Variants in HHAT observed in about 807,000 individuals in gnomAD.
The protein encoded by HHAT is protein-cysteine N-palmitoyltransferase HHAT.
HHAT carries 47 observed loss-of-function variants against 70.8 expected under a neutral mutation model. The observed-to-expected ratio is 0.66, with a 90% CI of 0.53 to 0.85. The LOEUF (loss-of-function observed/expected upper bound fraction) is 0.85, where lower values mean the gene tolerates loss of function less well. Ranked by LOEUF, HHAT falls within the 40% of genes least tolerant of loss-of-function variation. The pLI is 0.00. For synonymous variants in HHAT, 228 were observed against 247.6 expected, an observed-to-expected ratio of 0.92 and a Z score of 0.74; for missense variants, 609 against 604.8, an observed-to-expected ratio of 1.01 and a Z score of -0.07.
intron 6 of HHAT, among the ~76,000 whole-genome samples, chr1:210,415,294 TTGAC>T (rs1490865606): frequency 5.3e-5 from 8 of 152,228 alleles, no homozygotes; most frequent in Non-Finnish European, 1.0e-4. Flanking sequence ...GATTTAGTGA[TTGAC>T]TGGCTTGTAA....
At chr1:210,608,723 G>A (rs975709658) in intron 10 of HHAT, among the ~76,000 whole-genome samples, 2 of 152,114 alleles carry the variant, frequency 1.3e-5, no homozygotes, top group South Asian at 4.1e-4. Flanking sequence ...ATGAAGAACA[G>A]AAATTTATTT....
At chr1:210,605,877 G>A (rs929498883) in intron 10 of HHAT, among the ~76,000 whole-genome samples, 2 of 151,018 alleles carry the variant, frequency 1.3e-5, no homozygotes, top group African/African-American at 2.4e-5. Context: ...CTCTTTTGAG[G>A]CAGAGTTTTG....
chr1:210,508,505 AT>A (rs2094901236), intron 8 of HHAT, among the ~76,000 whole-genome samples: 1 of 95,160 alleles, frequency 1.1e-5, no homozygotes, highest in Non-Finnish European at 2.1e-5. Flanking sequence ...TGTTTGGTTT[AT>A]TTTTTTCTAA....
At chr1:210,453,376 C>T (rs1032474015) in intron 7 of HHAT, among the ~76,000 whole-genome samples, 7 of 152,192 alleles carry the variant, frequency 4.6e-5, no homozygotes, top group Non-Finnish European at 7.3e-5. Context: ...TGTTCAATTA[C>T]AGATATTCTA....
intron 1 of HHAT, among the ~76,000 whole-genome samples, chr1:210,343,495 G>A (rs1392069219): frequency 6.6e-6 from 1 of 152,168 alleles, no homozygotes; most frequent in African/African-American, 2.4e-5. Flanking sequence ...AAAAGAGAGT[G>A]TGTGAGGAAG....
rs1278060237 is a variant in HHAT, at chr1:210,470,561, C to T, written c.1007+5906C>T. ...GACTATCAAGTTAAAGCAAATTTTA[C>T]GAACCATCATTATGTTTCGCTTCCT... On this transcript the variant is annotated intron_variant, in intron 8 of 11. Coordinates refer to ENST00000261458, the MANE Select transcript of HHAT (RefSeq NM_018194.6). Among the ~76,000 whole-genome samples the T allele has an allele frequency of 7.2e-5, 11 of 152,180 alleles. No individual in the cohort carries two copies. The East Asian group carries it at 7.7e-4, about 11-fold the overall frequency.
At chr1:210,340,140 G>T (rs2085878971) in intron 1 of HHAT, among the ~76,000 whole-genome samples, 1 of 148,590 alleles carries the variant, frequency 6.7e-6, no homozygotes, top group Non-Finnish European at 1.5e-5. Context: ...AGGAGTTCAA[G>T]ACCAGCCTGG....
intron 9 of HHAT, among the ~76,000 whole-genome samples, chr1:210,565,571 G>A (rs1449820484): frequency 3.3e-5 from 5 of 152,086 alleles, no homozygotes; most frequent in Non-Finnish European, 7.4e-5. Flanking sequence ...ACACAAACAA[G>A]GAAGTATCTA....
At chr1:210,523,065 T>C (rs2095185234) in intron 9 of HHAT, among the ~76,000 whole-genome samples, 1 of 152,078 alleles carries the variant, frequency 6.6e-6, no homozygotes, top group Non-Finnish European at 1.5e-5. Flanking sequence ...TCCCCTCACC[T>C]TTCATGGCTT....
chr1:210,401,580 A>T (rs979395469), intron 5 of HHAT, among the ~76,000 whole-genome samples: 3 of 152,232 alleles, frequency 2.0e-5, no homozygotes, highest in Admixed American at 2.0e-4. Context: ...GTGCTAATAG[A>T]GGAGGACACT....
At chr1:210,374,856 G>T (rs1434895093) in intron 3 of HHAT, among the ~76,000 whole-genome samples, 1 of 151,584 alleles carries the variant, frequency 6.6e-6, no homozygotes, top group Non-Finnish European at 1.5e-5. Context: ...GTGACGCTGA[G>T]GTTGAGGGTA....
rs187438017 is a variant in HHAT at position 210,370,700 on chromosome 1, C to T, written c.159+7781C>T. Among the ~76,000 whole-genome samples, 665 of 146,984 alleles carry T rather than the reference C, an allele frequency of 4.5e-3. 8 individuals carry two copies. The highest frequency in any genetic ancestry group is 0.015 in the African/African-American group (595 of 39,316). ...CATGATCTTGGCTCACTGCAACCTC[C>T]GCCTCCCGGGTTCAAGCGATTCTCT... On this transcript the variant is annotated intron_variant, in intron 3 of 11. Coordinates refer to ENST00000261458, the MANE Select transcript of HHAT (RefSeq NM_018194.6).
intron 7 of HHAT, among the ~76,000 whole-genome samples, chr1:210,433,449 CAGAAATAG>C (rs1313274935): frequency 6.6e-6 from 1 of 151,836 alleles, no homozygotes; most frequent in Non-Finnish European, 1.5e-5. Context: ...TGCAAGTTAA[CAGAAATAG>C]AGAATATAAA....
At chr1:210,559,317 A>T (rs1031782170) in intron 9 of HHAT, among the ~76,000 whole-genome samples, 8 of 152,224 alleles carry the variant, frequency 5.3e-5, no homozygotes, top group Admixed American at 3.9e-4. Flanking sequence ...GATTTTAAAT[A>T]AACAGTTTAA....
At chr1:210,649,271 TTGTC>T (rs1165084638) in intron 11 of HHAT, among the ~76,000 whole-genome samples, 2 of 152,246 alleles carry the variant, frequency 1.3e-5, no homozygotes, top group African/African-American at 4.8e-5. Flanking sequence ...TTTACTTTCT[TTGTC>T]TAAGTGAGCT....
Position 210,349,085 on chromosome 1 carries a change from C to G in HHAT, c.91+19C>G. The G allele has an allele frequency of 1.9e-6, 3 of 1,609,008 alleles. No individual in the cohort carries two copies. The highest frequency in any genetic ancestry group is 2.5e-6 in the Non-Finnish European group (3 of 1,178,414). ...TCCAGAGGTAAGGCCCCAAGCTTTT[C>G]AGACCTCCTATCAAACAAGGAAACT... On this transcript the variant is annotated intron_variant, in intron 2 of 11. Transcript: ENST00000261458.
chr1:210,569,916 AATC>A (rs1457638024), intron 9 of HHAT, among the ~76,000 whole-genome samples: 1 of 152,134 alleles, frequency 6.6e-6, no homozygotes, highest in Non-Finnish European at 1.5e-5. Context: ...CAGATGTTTC[AATC>A]CCTCTTTATA....
At chr1:210,458,667 A>G (rs915774976) in intron 7 of HHAT, among the ~76,000 whole-genome samples, 4 of 152,166 alleles carry the variant, frequency 2.6e-5, no homozygotes, top group African/African-American at 9.7e-5. Context: ...ATTGGATAAA[A>G]TGAGTGGTTC....
intron 9 of HHAT, among the ~76,000 whole-genome samples, chr1:210,525,627 G>T (rs1285338608): frequency 1.3e-5 from 2 of 152,076 alleles, no homozygotes; most frequent in African/African-American, 2.4e-5. Context: ...AGACAATCCA[G>T]ATTTAAAAAG....
Sources: allele counts gnomAD v4.1 joint callset (sites outside exome capture counted in the v4.1 genomes callset), GRCh38; gene constraint gnomAD v4.1.1; transcripts MANE v1.5; gene names NCBI Gene and HGNC (gene_info 2026-07-23, HGNC 2026-07-21).